The following HPSE2 variants were observed in gnomAD, a reference collection of about 807,000 sequenced individuals.
HPSE2 encodes inactive heparanase-2.
A neutral mutation model predicts 60.5 loss-of-function variants in HPSE2; 38 were observed. The ratio of observed to expected loss-of-function variants is 0.63; its 90% CI spans 0.48 to 0.82. The LOEUF is 0.82. Among genes scored for constraint, HPSE2 ranks in the 40% least tolerant of loss-of-function variants. The probability of loss-of-function intolerance (pLI) is 0.00; values close to 1 mark genes in which losing one functional copy is unlikely to be tolerated. For missense variants in HPSE2, 713 were observed against 740.4 expected (o/e 0.96, Z 0.43); for synonymous variants, 295 against 293.2 (o/e 1.01, Z -0.06).
intron 3 of HPSE2, among the ~76,000 whole-genome samples, chr10:99,134,261 C>T (rs1376690650): frequency 1.3e-5 from 2 of 152,056 alleles, no homozygotes; most frequent in African/African-American, 4.8e-5. Context: ...TACCTGAAAG[C>T]GATGAGGAGA....
chr10:99,197,590 A>G (rs916613936), intron 2 of HPSE2, among the ~76,000 whole-genome samples: 4 of 152,234 alleles, frequency 2.6e-5, no homozygotes, highest in African/African-American at 7.2e-5. Context: ...TTTTTTGAAG[A>G]TTAAATGACA....
At chr10:98,782,954 T>A (rs1351984675) in intron 3 of HPSE2, among the ~76,000 whole-genome samples, 23 of 135,358 alleles carry the variant, frequency 1.7e-4, no homozygotes, top group African/African-American at 6.2e-4. Flanking sequence ...TTTTTTTTTA[T>A]TATACTCTAA....
In HPSE2 at chr10:99,067,577, T is replaced by C. The variant is rs565731157; in HGVS notation, c.610+76661A>G. 4.6e-5 allele frequency among the ~76,000 whole-genome samples: 7 copies of C among 152,278 alleles called. No individual in the cohort carries two copies. In the South Asian group the frequency reaches 1.0e-3, roughly 23 times the overall value. ...TTAGGGCTTGTAACCTCTGAAGTAA[T>C]AGTCTGAGCTGTATGTTGGCTCCTT... On this transcript the variant is annotated intron_variant, in intron 3 of 11. Transcript: ENST00000370552.
At chr10:98,517,104 G>A (rs1218748774) in intron 9 of HPSE2, among the ~76,000 whole-genome samples, 1 of 149,648 alleles carries the variant, frequency 6.7e-6, no homozygotes, top group Admixed American at 6.7e-5. Context: ...CTGAGAGAAA[G>A]CATACTATTT....
In HPSE2 at chr10:98,660,122, C is replaced by T. The variant is rs142397048; in HGVS notation, c.1005-18182G>A. Among the ~76,000 whole-genome samples the T allele has an allele frequency of 5.8e-3, 889 of 152,272 alleles. 5 individuals are homozygous for T. The highest frequency in any genetic ancestry group is 0.02 in the African/African-American group (841 of 41,564). On this transcript the variant is annotated intron_variant, in intron 6 of 11. Transcript: ENST00000370552. Reference sequence around the variant, plus strand: ...GTTGTCTGAATGAAGAGAGAAAGTGCTGCTGGGGGGCAGATCAAACAGAAG... The same window carrying T: ...GTTGTCTGAATGAAGAGAGAAAGTGTTGCTGGGGGGCAGATCAAACAGAAG...
chr10:98,485,463 C>T (rs1018477202), intron 10 of HPSE2, among the ~76,000 whole-genome samples: 3 of 152,228 alleles, frequency 2.0e-5, no homozygotes, highest in African/African-American at 7.2e-5. Flanking sequence ...TCCGGTCCTT[C>T]TTAATCTCCT....
intron 5 of HPSE2, among the ~76,000 whole-genome samples, chr10:98,698,808 T>C (rs1948312645): frequency 6.6e-6 from 1 of 152,124 alleles, no homozygotes; most frequent in Non-Finnish European, 1.5e-5. Flanking sequence ...ATAAAGGGGA[T>C]ATCACCACCA....
chr10:98,818,770 G>T (rs1381477172), intron 3 of HPSE2, among the ~76,000 whole-genome samples: 1 of 152,104 alleles, frequency 6.6e-6, no homozygotes, highest in Non-Finnish European at 1.5e-5. Flanking sequence ...GAAAACTCTG[G>T]ACTCCCCTCA....
chr10:99,000,989 C>T (rs543160374), intron 3 of HPSE2, among the ~76,000 whole-genome samples: 8 of 152,102 alleles, frequency 5.3e-5, no homozygotes, highest in African/African-American at 1.7e-4. Context: ...TAGACTTGTC[C>T]ACCCCATTCC....
chr10:99,033,174 TTTC>T, intron 3 of HPSE2, among the ~76,000 whole-genome samples: 1 of 152,314 alleles, frequency 6.6e-6, no homozygotes, highest in South Asian at 2.1e-4. Flanking sequence ...TACATATATA[TTTC>T]TTATTTACAA....
intron 3 of HPSE2, among the ~76,000 whole-genome samples, chr10:98,753,818 T>C (rs985639203): frequency 6.6e-6 from 1 of 152,088 alleles, no homozygotes; most frequent in South Asian, 2.1e-4. Flanking sequence ...AGTCAAACCT[T>C]CAAGGGCATC....
intron 2 of HPSE2, among the ~76,000 whole-genome samples, chr10:99,204,372 C>A (rs1848674695): frequency 6.6e-6 from 1 of 152,206 alleles, no homozygotes; most frequent in African/African-American, 2.4e-5. Context: ...TGCCAGATAA[C>A]CTTCCCTGAA....
intron 3 of HPSE2, among the ~76,000 whole-genome samples, chr10:98,830,436 T>C (rs1951657944): frequency 6.6e-6 from 1 of 152,180 alleles, no homozygotes; most frequent in East Asian, 1.9e-4. Context: ...TTCCTCTACC[T>C]AATGGGCAAA....
intron 5 of HPSE2, among the ~76,000 whole-genome samples, chr10:98,715,079 A>G (rs1272910039): frequency 6.6e-6 from 1 of 151,906 alleles, no homozygotes; most frequent in Non-Finnish European, 1.5e-5. Flanking sequence ...TATATTCTGG[A>G]TACCATTCTC....
intron 3 of HPSE2, among the ~76,000 whole-genome samples, chr10:99,085,458 T>C (rs553041868): frequency 6.6e-6 from 1 of 152,308 alleles, no homozygotes; most frequent in Admixed American, 6.5e-5. Flanking sequence ...AACTGAAAGC[T>C]GTTTCTGCTT....
chr10:98,743,205 T>G (rs1949545257), intron 4 of HPSE2, among the ~76,000 whole-genome samples: 1 of 151,862 alleles, frequency 6.6e-6, no homozygotes, highest in African/African-American at 2.4e-5. Flanking sequence ...ATTCCTGACC[T>G]CGTGATCCGC....
chr10:98,992,979 G>A (rs917220395), intron 3 of HPSE2, among the ~76,000 whole-genome samples: 4 of 152,304 alleles, frequency 2.6e-5, no homozygotes, highest in Admixed American at 1.3e-4. Context: ...CCAGTTTCTA[G>A]TTCTGAGTAC....
intron 3 of HPSE2, among the ~76,000 whole-genome samples, chr10:99,039,913 T>C (rs1029503961): frequency 1.3e-5 from 2 of 152,174 alleles, no homozygotes; most frequent in African/African-American, 2.4e-5. Flanking sequence ...GGCTGTATAT[T>C]TACTCACCCT....
At chr10:98,785,694 G>A (rs368569121) in intron 3 of HPSE2, among the ~76,000 whole-genome samples, 23 of 145,034 alleles carry the variant, frequency 1.6e-4, no homozygotes, top group African/African-American at 5.4e-4. Context: ...GTCGAGGAAT[G>A]TATCCATTTC....
Sources: gnomAD v4.1 joint callset for allele counts (sites outside exome capture counted in the v4.1 genomes callset) on GRCh38, gnomAD v4.1.1 for gene constraint, MANE v1.5 for transcripts, NCBI Gene and HGNC (gene_info 2026-07-23, HGNC 2026-07-21) for gene names.